The following MRAP2 variants were observed in gnomAD, a reference collection of about 807,000 sequenced individuals.
MRAP2 encodes melanocortin-2 receptor accessory protein 2.
MRAP2 carries 20 observed loss-of-function variants against 17.4 expected under a neutral mutation model. That is an observed-to-expected ratio of 1.15 (90% CI 0.81 to 1.67). The LOEUF is 1.67. MRAP2 is among the 40% of genes most tolerant of loss of function. The pLI, the probability that MRAP2 is intolerant of heterozygous loss-of-function variation, is 0.00. For synonymous variants in MRAP2, 96 were observed against 88.4 expected, an observed-to-expected ratio of 1.09 and a Z score of -0.48; for missense variants, 238 against 240.0, an observed-to-expected ratio of 0.99 and a Z score of 0.05.
chr6:84,094,974 T>C (rs930178260), downstream of MRAP2, among the ~76,000 whole-genome samples: 1 of 152,248 alleles, frequency 6.6e-6, no homozygotes, highest in Non-Finnish European at 1.5e-5. Context: ...TATATCATGT[T>C]CTTCAATATT....
At chr6:84,096,298 A>G in the MRAP2 span, among the ~76,000 whole-genome samples, 3 of 152,328 alleles carry the variant, frequency 2.0e-5, no homozygotes, top group Admixed American at 6.5e-5. Context: ...TGAGAATCTG[A>G]ACCTACCCAG....
intron 1 of MRAP2, among the ~76,000 whole-genome samples, chr6:84,052,313 C>G (rs1397562354): frequency 6.6e-6 from 1 of 152,102 alleles, no homozygotes; most frequent in Admixed American, 6.5e-5. Context: ...GGCTCAGGGC[C>G]AGGCTGCCTC....
chr6:84,128,576 A>T, the MRAP2 span, among the ~76,000 whole-genome samples: 8 of 152,140 alleles, frequency 5.3e-5, no homozygotes, highest in African/African-American at 1.9e-4. Context: ...CACTTTCCTT[A>T]GCATCAATAT....
the MRAP2 span, among the ~76,000 whole-genome samples, chr6:84,108,439 G>GTT: frequency 6.8e-6 from 1 of 146,772 alleles, no homozygotes; most frequent in Non-Finnish European, 1.5e-5. Context: ...GTGATGTTGA[G>GTT]TTTTTTTTTT....
intron 1 of MRAP2, among the ~76,000 whole-genome samples, chr6:84,047,055 A>T (rs1311570539): frequency 6.6e-6 from 1 of 152,114 alleles, no homozygotes. Context: ...AGGGGTGCTC[A>T]GATGTCTCAG....
At chr6:84,094,463 G>A (rs920217304), downstream of MRAP2, among the ~76,000 whole-genome samples, 32 of 152,084 alleles carry the variant, frequency 2.1e-4, no homozygotes, top group African/African-American at 7.5e-4. Context: ...TTAACATTTT[G>A]CTTGGAAATC....
chr6:84,084,278 C>G (rs1021004820), intron 3 of MRAP2, among the ~76,000 whole-genome samples: 1 of 149,102 alleles, frequency 6.7e-6, no homozygotes, highest in East Asian at 2.0e-4. Flanking sequence ...AGCATTTTAA[C>G]AGGTTTTTTT....
chr6:84,145,467 T>C, the MRAP2 span, among the ~76,000 whole-genome samples: 12 of 152,168 alleles, frequency 7.9e-5, no homozygotes, highest in African/African-American at 2.7e-4. Context: ...TTATTGTGAT[T>C]ATCTCTGATA....
chr6:84,070,619 A>C (rs1394479136), intron 3 of MRAP2, among the ~76,000 whole-genome samples: 1 of 152,150 alleles, frequency 6.6e-6, no homozygotes, highest in Non-Finnish European at 1.5e-5. Context: ...CATTTGTTTA[A>C]ATCCATTGTT....
At chr6:84,127,324 C>CTGATAA in the MRAP2 span, among the ~76,000 whole-genome samples, 1 of 151,864 alleles carries the variant, frequency 6.6e-6, no homozygotes, top group African/African-American at 2.4e-5. Flanking sequence ...AACAATAATA[C>CTGATAA]TAATACTAAA....
At chr6:84,040,434 A>G (rs2099487229) in intron 1 of MRAP2, among the ~76,000 whole-genome samples, 1 of 152,216 alleles carries the variant, frequency 6.6e-6, no homozygotes, top group African/African-American at 2.4e-5. Context: ...TGTGGAAGCG[A>G]CTTTGGAACT....
chr6:84,064,340 T>C (rs758202089), intron 3 of MRAP2, among the ~76,000 whole-genome samples: 5 of 151,960 alleles, frequency 3.3e-5, no homozygotes, highest in Non-Finnish European at 7.4e-5. Flanking sequence ...TTCTCACCAT[T>C]GCTCCCCACT....
chr6:84,033,464 C>T (rs1295132767), upstream of MRAP2, among the ~76,000 whole-genome samples: 1 of 152,182 alleles, frequency 6.6e-6, no homozygotes, highest in Non-Finnish European at 1.5e-5. Context: ...ATTCATGATA[C>T]CCCACTCCCT....
chr6:84,088,984 A>G, intron 3 of MRAP2, 107 bp from the exon 4 acceptor site: 1 of 1,233,176 alleles, frequency 8.1e-7, no homozygotes, highest in East Asian at 2.4e-5. Context: ...TACACTCAAT[A>G]GGTGCTTAGT....
intron 3 of MRAP2, among the ~76,000 whole-genome samples, chr6:84,074,368 T>A (rs967728796): frequency 6.6e-6 from 1 of 152,140 alleles, no homozygotes; most frequent in African/African-American, 2.4e-5. Context: ...GACAGTTACT[T>A]CCTAAAGTAG....
intron 3 of MRAP2, among the ~76,000 whole-genome samples, chr6:84,080,952 T>C (rs1003330496): frequency 5.3e-5 from 8 of 152,320 alleles, no homozygotes; most frequent in Non-Finnish European, 7.4e-5. Flanking sequence ...TATATCTAGG[T>C]ACAGTATGTA....
At chr6:84,071,448 G>T (rs2099496157) in intron 3 of MRAP2, among the ~76,000 whole-genome samples, 1 of 152,160 alleles carries the variant, frequency 6.6e-6, no homozygotes, top group South Asian at 2.1e-4. Context: ...TGAGAAATCT[G>T]TTGTTAATCT....
At chr6:84,119,505 AT>A in the MRAP2 span, among the ~76,000 whole-genome samples, 1 of 152,164 alleles carries the variant, frequency 6.6e-6, no homozygotes, top group Non-Finnish European at 1.5e-5. Context: ...AGGAGATCAG[AT>A]TCTCTCTCAG....
intron 3 of MRAP2, among the ~76,000 whole-genome samples, chr6:84,075,322 G>A (rs1339500234): frequency 6.6e-6 from 1 of 152,214 alleles, no homozygotes. Flanking sequence ...GTATTGGTGA[G>A]CACTGAGAAG....
Sources: allele counts gnomAD v4.1 joint callset (sites outside exome capture counted in the v4.1 genomes callset), GRCh38; gene constraint gnomAD v4.1.1; transcripts MANE v1.5; gene names NCBI Gene and HGNC (gene_info 2026-07-23, HGNC 2026-07-21).